Variants in CSMD1 observed in about 807,000 individuals in gnomAD.
CSMD1 encodes the protein CUB and sushi domain-containing protein 1.
A neutral mutation model predicts 417.5 loss-of-function variants in CSMD1; 213 were observed. That is an observed-to-expected ratio of 0.51 (90% CI 0.46 to 0.57). The LOEUF is 0.57. CSMD1 is among the 20% of genes least tolerant of loss of function. The pLI is 0.00. For synonymous variants in CSMD1, 2,862 were observed against 1,736.8 expected (o/e 1.65, Z -16.11); for missense variants, 6,923 against 4,529.7 (o/e 1.53, Z -15.17).
At chr8:3,203,906 C>T (rs999266625) in intron 31 of CSMD1, among the ~76,000 whole-genome samples, 1 of 152,172 alleles carries the variant, frequency 6.6e-6, no homozygotes, top group Admixed American at 6.5e-5. Flanking sequence ...GATCACATCA[C>T]CCCGTAGTGT....
chr8:3,998,216 C>G (rs562509202), intron 4 of CSMD1, 106 bp from the exon 5 acceptor site: 2 of 978,076 alleles, frequency 2.0e-6, no homozygotes, highest in East Asian at 2.7e-5. Flanking sequence ...ATTTTCTGAA[C>G]CCAAAATTGA....
chr8:3,420,822 A>T (rs1052123375), intron 12 of CSMD1, among the ~76,000 whole-genome samples: 4 of 152,144 alleles, frequency 2.6e-5, no homozygotes, highest in African/African-American at 9.7e-5. Flanking sequence ...CCTTAAACAC[A>T]TAAAGATGGT....
rs147071435 is a variant in CSMD1, at chr8:2,993,815, C to T, written c.8377+4196G>A. Among the ~76,000 whole-genome samples, 19 of 152,006 alleles carry T rather than the reference C, an allele frequency of 1.2e-4. No individual in the cohort carries two copies. In the East Asian group the frequency reaches 3.7e-3, roughly 29 times the overall value. ...ACTTCAATCTGGCCTGGAGTTACTCCCCTGCATTGAAGAAAGCAGACAAGG... is the reference window on the plus strand; with the variant it reads ...ACTTCAATCTGGCCTGGAGTTACTCTCCTGCATTGAAGAAAGCAGACAAGG... On this transcript the variant is annotated intron_variant, in intron 54 of 69. Coordinates refer to ENST00000635120, the MANE Select transcript of CSMD1 (RefSeq NM_033225.6).
At chr8:4,082,172 G>C (rs915836338) in intron 3 of CSMD1, among the ~76,000 whole-genome samples, 3 of 152,116 alleles carry the variant, frequency 2.0e-5, no homozygotes, top group East Asian at 3.8e-4. Context: ...GGACATTAAA[G>C]AGCGTACAAG....
chr8:4,235,882 G>A (rs1802017864), intron 3 of CSMD1, among the ~76,000 whole-genome samples: 1 of 152,122 alleles, frequency 6.6e-6, no homozygotes, highest in South Asian at 2.1e-4. Context: ...TAGCGGAACC[G>A]GCTGACACAT....
At chr8:4,467,841 G>T (rs980836762) in intron 2 of CSMD1, among the ~76,000 whole-genome samples, 1 of 152,098 alleles carries the variant, frequency 6.6e-6, no homozygotes, top group Admixed American at 6.6e-5. Context: ...TGAAATAATT[G>T]GACAAAAGTC....
At chr8:3,532,852 C>T (rs1185453431) in intron 10 of CSMD1, among the ~76,000 whole-genome samples, 1 of 152,066 alleles carries the variant, frequency 6.6e-6, no homozygotes, top group Non-Finnish European at 1.5e-5. Context: ...CAATGACCTA[C>T]AGAAAATATA....
intron 3 of CSMD1, among the ~76,000 whole-genome samples, chr8:4,365,190 T>A (rs2128909512): frequency 6.6e-6 from 1 of 152,312 alleles, no homozygotes; most frequent in East Asian, 1.9e-4. Flanking sequence ...TCACAATAAA[T>A]ATTTGCACCT....
At chr8:3,296,300 A>C (rs1471433440) in intron 25 of CSMD1, among the ~76,000 whole-genome samples, 3 of 151,676 alleles carry the variant, frequency 2.0e-5, no homozygotes, top group Non-Finnish European at 4.4e-5. Context: ...AGCCCCACGT[A>C]AGGGGCATAC....
chr8:3,709,976 G>C (rs532071320), intron 6 of CSMD1, among the ~76,000 whole-genome samples: 16 of 151,652 alleles, frequency 1.1e-4, no homozygotes, highest in Non-Finnish European at 1.9e-4. Context: ...ACACACAGCT[G>C]AAAACCTGAT....
At chr8:3,937,493 G>A (rs113099598) in intron 5 of CSMD1, among the ~76,000 whole-genome samples, 5 of 152,240 alleles carry the variant, frequency 3.3e-5, no homozygotes, top group Admixed American at 6.5e-5. Context: ...GCAAAAAGAT[G>A]ATGAGTCATT....
intron 11 of CSMD1, among the ~76,000 whole-genome samples, chr8:3,470,607 A>C (rs1817031441): frequency 6.6e-6 from 1 of 152,142 alleles, no homozygotes; most frequent in South Asian, 2.1e-4. Flanking sequence ...CGCCATAGTC[A>C]ATGCAGGGCA....
intron 7 of CSMD1, among the ~76,000 whole-genome samples, chr8:3,692,524 C>T (rs920373759): frequency 2.0e-5 from 3 of 152,016 alleles, no homozygotes; most frequent in Admixed American, 2.0e-4. Flanking sequence ...TCACTACAAC[C>T]TTCACATCCT....
chr8:3,143,116 A>G (rs908752102), intron 40 of CSMD1, among the ~76,000 whole-genome samples: 2 of 152,148 alleles, frequency 1.3e-5, no homozygotes, highest in Non-Finnish European at 2.9e-5. Flanking sequence ...AACAACAACA[A>G]CAACAATTTT....
intron 23 of CSMD1, among the ~76,000 whole-genome samples, chr8:3,328,529 C>T (rs904820375): frequency 6.6e-6 from 1 of 152,176 alleles, no homozygotes; most frequent in Non-Finnish European, 1.5e-5. Context: ...TGATCTTCGG[C>T]CTAAAATGTA....
chr8:4,468,085 C>T (rs1280040156), intron 2 of CSMD1, among the ~76,000 whole-genome samples: 2 of 152,196 alleles, frequency 1.3e-5, no homozygotes, highest in Non-Finnish European at 2.9e-5. Context: ...AATTGATCTG[C>T]ACTGTTCTGA....
intron 12 of CSMD1, among the ~76,000 whole-genome samples, chr8:3,450,829 C>T (rs553587696): frequency 6.6e-6 from 1 of 151,904 alleles, no homozygotes; most frequent in South Asian, 2.1e-4. Context: ...GGTATATACC[C>T]AGTAATGGGA....
intron 22 of CSMD1, among the ~76,000 whole-genome samples, chr8:3,344,971 C>T (rs1034927555): frequency 2.0e-5 from 3 of 152,220 alleles, no homozygotes; most frequent in Non-Finnish European, 2.9e-5. Context: ...TTAGACGAGC[C>T]GGGGTCTGAC....
intron 52 of CSMD1, among the ~76,000 whole-genome samples, chr8:3,014,502 T>C (rs957478781): frequency 6.6e-6 from 1 of 152,210 alleles, no homozygotes; most frequent in Non-Finnish European, 1.5e-5. Flanking sequence ...ACACTGCCAG[T>C]AACTCAGCAG....
Sources: allele counts gnomAD v4.1 joint callset (sites outside exome capture counted in the v4.1 genomes callset), GRCh38; gene constraint gnomAD v4.1.1; transcripts MANE v1.5; gene names NCBI Gene and HGNC (gene_info 2026-07-23, HGNC 2026-07-21).